Variants in ANKRD30A observed in about 807,000 individuals in gnomAD.
ANKRD30A encodes the protein ankyrin repeat domain 30A.
In ANKRD30A, 170 loss-of-function variants were observed where a neutral mutation model predicts 166.3. That is an observed-to-expected ratio of 1.02 (90% CI 0.90 to 1.16). ANKRD30A has a LOEUF of 1.16. Among genes scored for constraint, ANKRD30A ranks in the 50% most tolerant of loss-of-function variants. The pLI is 0.00. For synonymous variants in ANKRD30A, 564 were observed against 508.9 expected (o/e 1.11, Z -1.46); for missense variants, 1,630 against 1,518.0 (o/e 1.07, Z -1.23).
intron 13 of ANKRD30A, among the ~76,000 whole-genome samples, chr10:37,157,026 A>G (rs1409446919): frequency 6.6e-6 from 1 of 152,204 alleles, no homozygotes; most frequent in African/African-American, 2.4e-5. Flanking sequence ...TATAGTTGAT[A>G]TTTCTAAATA....
intron 5 of ANKRD30A, 60 bp from the exon 6 acceptor site, chr10:37,136,530 CTTAATAAATTTGGTAAA>C (rs1385705716): frequency 3.1e-6 from 2 of 648,814 alleles, no homozygotes; most frequent in Non-Finnish European, 5.2e-6. Flanking sequence ...GCTCTAAGAA[CTTAATAAATTTGGTAAA>C]TGTTTTTTAT....
rs573822396 is a variant in ANKRD30A at position 37,229,515 on chromosome 10, C to T, written c.4186-1946C>T. On this transcript the variant is annotated intron_variant, in intron 34 of 35. Coordinates refer to ENST00000361713, the MANE Select transcript of ANKRD30A (RefSeq NM_052997.3). ...ATTTCTGTTGGGAACATTTCCAATC[C>T]TCTCTTCTAGGTTTTGGAAGCATAT... Among the ~76,000 whole-genome samples, 5 of 151,998 alleles carry T rather than the reference C, an allele frequency of 3.3e-5. No individual in the cohort carries two copies. The South Asian group carries it at 1.0e-3, about 31-fold the overall frequency.
At chr10:37,135,253 T>A (rs1836610747) in intron 5 of ANKRD30A, 1 of 152,210 alleles carries the variant, frequency 6.6e-6, no homozygotes, top group Non-Finnish European at 1.5e-5. Flanking sequence ...GCTTCAGTGG[T>A]ACATATACTA....
intron 31 of ANKRD30A, among the ~76,000 whole-genome samples, chr10:37,207,387 A>T (rs73245454): frequency 6.6e-6 from 1 of 152,286 alleles, no homozygotes; most frequent in African/African-American, 2.4e-5. Flanking sequence ...CATGTGTGAG[A>T]TTCATAGATG....
Position 37,162,859 on chromosome 10 carries a change from C to T in ANKRD30A, c.2002+11C>T, listed in dbSNP as rs556953883. 155 of 1,611,104 alleles carry T rather than the reference C, an allele frequency of 9.6e-5. No individual in the cohort carries two copies. The highest frequency in any genetic ancestry group is 4.9e-4 in the South Asian group (45 of 90,960). On this transcript the variant is annotated intron_variant, in intron 17 of 35. Transcript: ENST00000361713. ...AAACATTGAGAGCAGGTAAATTTTT[C>T]AATGTAACTATGGAAAGACCAATAT...
At position 37,219,468 on chromosome 10, in the gene ANKRD30A, A is replaced by G. The variant is rs201085893; in HGVS notation, c.3756A>G (p.Pro1252=). 9 of 1,610,304 alleles carry G rather than the reference A, an allele frequency of 5.6e-6. No individual in the cohort carries two copies. The East Asian group carries it at 2.0e-4, about 36-fold the overall frequency. The change falls in exon 34 of 36, where the codon CCA becomes CCG. Residue 1252 remains proline, a synonymous_variant. Coordinates refer to ENST00000361713, the MANE Select transcript of ANKRD30A (RefSeq NM_052997.3). ...TIYNNEVLHQ[P]LSEAQRKSKS... ...ATAACAATGAGGTGCTCCATCAACC[A>G]CTTTCTGAAGCTCAAAGGAAATCCA...
intron 8 of ANKRD30A, among the ~76,000 whole-genome samples, chr10:37,145,303 C>T (rs1009611327): frequency 2.0e-5 from 3 of 152,036 alleles, no homozygotes; most frequent in African/African-American, 4.8e-5. Context: ...TATGGTGAAA[C>T]CCTGTCTGTA....
chr10:37,152,071 C>T lies in ANKRD30A; in HGVS notation c.1657C>T (p.Pro553Ser). The T allele has an allele frequency of 6.8e-6, 11 of 1,608,704 alleles. No homozygotes were observed. The highest frequency in any genetic ancestry group is 8.5e-6 in the Non-Finnish European group (10 of 1,176,782). The change falls in exon 12 of 36, where the codon CCA becomes TCA. Residue 553 changes from proline (P) to serine (S), a missense_variant. By Grantham distance (74) the Pro-to-Ser change is moderately conservative. Transcript: ENST00000361713. ...EQTLRADPMF[P>S]PESKQKDYEE... ...TTAACCTTTTATAGATCCGATGTTC[C>T]CACCAGAATCCAAACAAAAGGACTA... is the stretch of plus-strand genomic sequence containing the variant.
chr10:37,255,988 G>C, the ANKRD30A span, among the ~76,000 whole-genome samples: 1 of 152,118 alleles, frequency 6.6e-6, no homozygotes, highest in Non-Finnish European at 1.5e-5. Context: ...CTGCTCCTTG[G>C]ACTGTGTGTA....
chr10:37,150,160 T>A (rs1400015300), intron 11 of ANKRD30A, among the ~76,000 whole-genome samples: 1 of 152,138 alleles, frequency 6.6e-6, no homozygotes, highest in African/African-American at 2.4e-5. Context: ...TAACTTCTTT[T>A]AGTTCTTCGA....
chr10:37,253,930 G>A, the ANKRD30A span, among the ~76,000 whole-genome samples: 2 of 152,116 alleles, frequency 1.3e-5, no homozygotes, highest in South Asian at 4.1e-4. Flanking sequence ...GATTACAGGC[G>A]TGAGCCACTG....
chr10:37,162,779 G>T lies in ANKRD30A; in HGVS notation c.1933G>T (p.Ala645Ser). 1.9e-6 allele frequency: 3 copies of T among 1,613,700 alleles called. No individual in the cohort carries two copies. Among genetic ancestry groups the T allele is most frequent in the Non-Finnish European group, 2.5e-6 (3 of 1,179,790 alleles). Residue 645 changes from alanine (A) to serine (S), a missense_variant, in exon 17 of 36, where the codon GCC becomes TCC. This residue lies in a region of ANKRD30A where 904 missense variants were observed against 818.5 expected (regional missense o/e 1.10). Transcript: ENST00000361713. ...TTTTGCTTCCAACCCCATTTAGCCTGCCACTGAAATGCAAAAGTCTGTCCC... is the reference window on the plus strand; with the variant it reads ...TTTTGCTTCCAACCCCATTTAGCCTTCCACTGAAATGCAAAAGTCTGTCCC... ...PPGKPSAFEP[A>S]TEMQKSVPNK...
chr10:37,191,007 A>G (rs1009576355), intron 25 of ANKRD30A, among the ~76,000 whole-genome samples: 10 of 151,938 alleles, frequency 6.6e-5, no homozygotes, highest in South Asian at 2.1e-4. Context: ...TTTAAAAACC[A>G]TAAAACTCTG....
At chr10:37,129,823 G>C in intron 1 of ANKRD30A, 70 bp from the exon 2 acceptor site, 1 of 864,610 alleles carries the variant, frequency 1.2e-6, no homozygotes, top group African/African-American at 1.7e-5. Context: ...AATGTTTACA[G>C]TTACATAACT....
At chr10:37,258,169 G>A in the ANKRD30A span, among the ~76,000 whole-genome samples, 1 of 152,184 alleles carries the variant, frequency 6.6e-6, no homozygotes, top group East Asian at 1.9e-4. Context: ...ACATTAAAAA[G>A]ATACAAAATG....
the ANKRD30A span, chr10:37,248,371 C>G: frequency 3.0e-6 from 1 of 328,438 alleles, no homozygotes; most frequent in Non-Finnish European, 6.1e-6. Flanking sequence ...ACCGTGACTC[C>G]CATCCCAGCA....
chr10:37,212,055 A>G (rs144175927), intron 31 of ANKRD30A, among the ~76,000 whole-genome samples: 56 of 152,142 alleles, frequency 3.7e-4, no homozygotes, highest in African/African-American at 1.0e-3. Flanking sequence ...AGGGTATTCA[A>G]TTAGGGAAAG....
chr10:37,216,120 T>C (rs1745840240), intron 31 of ANKRD30A, 61 bp from the exon 32 acceptor site: 1 of 1,220,120 alleles, frequency 8.2e-7, no homozygotes, highest in African/African-American at 1.5e-5. Context: ...TGTTAAAATA[T>C]GCAGCCCTTT....
chr10:37,232,900 A>AC (rs1341001963), downstream of ANKRD30A, among the ~76,000 whole-genome samples: 10 of 148,166 alleles, frequency 6.7e-5, no homozygotes, highest in Admixed American at 2.0e-4. Flanking sequence ...TTAAAAAAAA[A>AC]AAAAAAACAA....
Sources: gnomAD v4.1 joint callset for allele counts (sites outside exome capture counted in the v4.1 genomes callset) on GRCh38, gnomAD v4.1.1 for gene constraint, gnomAD v4.1.1 regional missense constraint, MANE v1.5 for transcripts, NCBI Gene and HGNC (gene_info 2026-07-23, HGNC 2026-07-21) for gene names.